Variants in DIAPH3 observed in about 807,000 individuals in gnomAD.
DIAPH3 encodes protein diaphanous homolog 3.
A neutral mutation model predicts 144.3 loss-of-function variants in DIAPH3; 117 were observed. The ratio of observed to expected loss-of-function variants is 0.81; its 90% CI spans 0.70 to 0.95. The LOEUF is 0.95. Among genes scored for constraint, DIAPH3 ranks in the 40% least tolerant of loss-of-function variants. DIAPH3 has a pLI of 0.00. For synonymous variants in DIAPH3, 519 were observed against 488.9 expected (o/e 1.06, Z -0.81); for missense variants, 1,421 against 1,412.7 (o/e 1.01, Z -0.09).
At position 59,901,099 on chromosome 13, in the gene DIAPH3, G is replaced by A. The variant is rs35878218; in HGVS notation, c.2367+10636C>T. Among the ~76,000 whole-genome samples the A allele has an allele frequency of 1.4e-3, 217 of 152,252 alleles. 1 individual carries two copies. The highest frequency in any genetic ancestry group is 2.6e-3 in the Non-Finnish European group (177 of 68,018). ...GAAATAGCTTGTTAACCAGTCACTGGCTTTAATTATATTCCTCACCTCACC... is the reference window on the plus strand; with the variant it reads ...GAAATAGCTTGTTAACCAGTCACTGACTTTAATTATATTCCTCACCTCACC... On this transcript the variant is annotated intron_variant, in intron 20 of 27. Transcript: ENST00000400324.
intron 9 of DIAPH3, among the ~76,000 whole-genome samples, chr13:59,992,948 T>C (rs1008838906): frequency 1.3e-5 from 2 of 151,512 alleles, no homozygotes; most frequent in Non-Finnish European, 2.9e-5. Flanking sequence ...AATATACCTA[T>C]TGGATAGATA....
rs199826464 is a variant in DIAPH3 at position 60,121,234 on chromosome 13, G to GT, written c.214-9049dup. Among the ~76,000 whole-genome samples, 610 of 149,158 alleles carry GT rather than the reference G, an allele frequency of 4.1e-3. 2 individuals carry two copies. Among genetic ancestry groups the GT allele is most frequent in the African/African-American group, 0.012 (503 of 40,732 alleles). ...GTGGGTTTTTCTGGCATGCTGATAG[G>GT]TTTTTTTTTTCCTATATGCATAACT... On this transcript the variant is annotated intron_variant, in intron 2 of 27. Transcript: ENST00000400324.
intron 27 of DIAPH3, among the ~76,000 whole-genome samples, chr13:59,734,498 G>A (rs1273660461): frequency 6.6e-6 from 1 of 152,082 alleles, no homozygotes; most frequent in African/African-American, 2.4e-5. Context: ...TGCCTCTGAG[G>A]AGTCATGTCA....
At chr13:59,859,076 G>A (rs2139912547) in intron 22 of DIAPH3, among the ~76,000 whole-genome samples, 1 of 152,092 alleles carries the variant, frequency 6.6e-6, no homozygotes, top group Middle Eastern at 3.4e-3. Flanking sequence ...ATACTCCAAA[G>A]CAAACACACT....
At chr13:59,781,257 G>A (rs923596620) in intron 25 of DIAPH3, among the ~76,000 whole-genome samples, 1 of 152,150 alleles carries the variant, frequency 6.6e-6, no homozygotes, top group Non-Finnish European at 1.5e-5. Context: ...CCAAAAGATA[G>A]GCAAGAAATG....
chr13:60,124,498 T>C (rs1371266606), intron 2 of DIAPH3, among the ~76,000 whole-genome samples: 1 of 152,218 alleles, frequency 6.6e-6, no homozygotes, highest in Non-Finnish European at 1.5e-5. Flanking sequence ...TTCAAAATAG[T>C]TCATTTCTCA....
At position 59,839,311 on chromosome 13, in the gene DIAPH3, A is replaced by G. The variant is rs572960821; in HGVS notation, c.2862+13T>C. 5 of 1,612,842 alleles carry G rather than the reference A, an allele frequency of 3.1e-6. No homozygotes were observed. Among genetic ancestry groups the G allele is most frequent in the East Asian group, 2.2e-5 (1 of 44,774 alleles). On this transcript the variant is annotated intron_variant, in intron 23 of 27. Transcript: ENST00000400324. Reference sequence around the variant, plus strand: ...GACTAGTGACTTAAGTTATTTAGCTATCAAAAGGATATGGACATCTTTGTC... The same window carrying G: ...GACTAGTGACTTAAGTTATTTAGCTGTCAAAAGGATATGGACATCTTTGTC...
chr13:59,760,813 G>T (rs761669413), intron 27 of DIAPH3, among the ~76,000 whole-genome samples: 1 of 152,102 alleles, frequency 6.6e-6, no homozygotes, highest in Non-Finnish European at 1.5e-5. Flanking sequence ...ATATTTCAGT[G>T]TTCCTTTGTT....
chr13:59,959,353 C>T (rs2049608024), intron 17 of DIAPH3, among the ~76,000 whole-genome samples: 1 of 152,134 alleles, frequency 6.6e-6, no homozygotes, highest in Non-Finnish European at 1.5e-5. Context: ...GTTCCACAGC[C>T]TCTGCTGCCA....
intron 2 of DIAPH3, among the ~76,000 whole-genome samples, chr13:60,113,029 T>C (rs1191747461): frequency 3.3e-5 from 5 of 152,204 alleles, no homozygotes; most frequent in African/African-American, 1.2e-4. Flanking sequence ...AGAAGTATAC[T>C]CAAACAGCAC....
rs535114128 is a variant in DIAPH3, at chr13:60,119,476, G to A, written c.214-7290C>T. ...GAAATGATAAATCTTGGCCGGGCGC[G>A]GTGGCTCACGCCTGTAATCCCAGCA... is the stretch of plus-strand genomic sequence containing the variant. On this transcript the variant is annotated intron_variant, in intron 2 of 27. Transcript: ENST00000400324. Among the ~76,000 whole-genome samples the A allele has an allele frequency of 7.9e-5, 12 of 152,104 alleles. No homozygotes were observed. In the South Asian group the frequency reaches 2.1e-3, roughly 26 times the overall value.
chr13:59,667,541 C>T lies in DIAPH3; in HGVS notation c.3320-695G>A, dbSNP rs977368073. On this transcript the variant is annotated intron_variant, in intron 27 of 27. Transcript: ENST00000400324. ...AGTTTCTAATAAGAATTTAAAAAGT[C>T]GATTATTTTCCTTTAAAGAAACAAT... 5.3e-5 allele frequency among the ~76,000 whole-genome samples: 8 copies of T among 152,144 alleles called. No homozygotes were observed. In the East Asian group the frequency reaches 5.8e-4, roughly 11 times the overall value.
chr13:59,881,336 T>C (rs1246987140), intron 20 of DIAPH3, among the ~76,000 whole-genome samples: 1 of 152,106 alleles, frequency 6.6e-6, no homozygotes, highest in East Asian at 1.9e-4. Context: ...GTTATGGCCA[T>C]TCTGAAGGTG....
chr13:60,047,851 T>G (rs188924104), intron 4 of DIAPH3, among the ~76,000 whole-genome samples: 16 of 152,282 alleles, frequency 1.1e-4, no homozygotes, highest in African/African-American at 3.6e-4. Context: ...GAGAAAATAT[T>G]TGCAATACAG....
At chr13:59,718,532 A>G (rs1036537541) in intron 27 of DIAPH3, among the ~76,000 whole-genome samples, 12 of 152,190 alleles carry the variant, frequency 7.9e-5, no homozygotes, top group African/African-American at 2.9e-4. Context: ...AACTTAATGA[A>G]TTAGGTTAAT....
At chr13:59,944,107 G>A (rs1010446822) in intron 17 of DIAPH3, among the ~76,000 whole-genome samples, 1 of 152,060 alleles carries the variant, frequency 6.6e-6, no homozygotes, top group Non-Finnish European at 1.5e-5. Context: ...CCAGCTACTT[G>A]AGAGGCTGAG....
chr13:60,133,176 C>T (rs770728008), intron 1 of DIAPH3, among the ~76,000 whole-genome samples, 187 bp from the exon 2 acceptor site: 2 of 151,912 alleles, frequency 1.3e-5, no homozygotes, highest in South Asian at 2.1e-4. Flanking sequence ...AGTTACCCTG[C>T]GTGTGATAGT....
intron 27 of DIAPH3, among the ~76,000 whole-genome samples, chr13:59,759,261 C>T (rs745448450): frequency 6.6e-6 from 1 of 152,116 alleles, no homozygotes; most frequent in African/African-American, 2.4e-5. Context: ...GGGCCTACAA[C>T]ACAAAAAAGC....
chr13:59,733,959 C>T (rs1403715273), intron 27 of DIAPH3, among the ~76,000 whole-genome samples: 1 of 152,234 alleles, frequency 6.6e-6, no homozygotes, highest in African/African-American at 2.4e-5. Flanking sequence ...ATCACATATA[C>T]ACACCCTACG....
Sources: gnomAD v4.1 joint callset for allele counts (sites outside exome capture counted in the v4.1 genomes callset) on GRCh38, gnomAD v4.1.1 for gene constraint, MANE v1.5 for transcripts, NCBI Gene and HGNC (gene_info 2026-07-23, HGNC 2026-07-21) for gene names.